ERC1: variants seen among roughly 807,000 people sequenced by gnomAD.
ERC1 encodes the protein ELKS/RAB6-interacting/CAST family member 1, also known as RAB6 interacting protein 2.
ERC1 carries 56 observed loss-of-function variants against 132.0 expected under a neutral mutation model. That is an observed-to-expected ratio of 0.42 (90% CI 0.34 to 0.53). The LOEUF is 0.53. Ranked by LOEUF, ERC1 falls within the 20% of genes least tolerant of loss-of-function variation. The pLI is 0.03. For missense variants in ERC1, 1,202 were observed against 1,349.9 expected (o/e 0.89, Z 1.72); for synonymous variants, 478 against 476.1 (o/e 1.00, Z -0.05).
At chr12:1,408,281 C>G (rs1225673247) in intron 17 of ERC1, 34 bp downstream of exon 17, 1 of 1,486,992 alleles carries the variant, frequency 6.7e-7, no homozygotes, top group Admixed American at 1.8e-5. Context: ...ATTAAAAAAC[C>G]CACACACTTA....
chr12:1,133,111 G>A lies in ERC1; in HGVS notation c.1570-8509G>A, dbSNP rs563038828. 9.9e-5 allele frequency among the ~76,000 whole-genome samples: 15 copies of A among 151,808 alleles called. 1 individual carries two copies. In the South Asian group the frequency reaches 3.1e-3, roughly 32 times the overall value. ...CACCTCAAGTGATCCACCCACCTCG[G>A]CCTCCCAAAGTGCTGGGATTACAGG... On this transcript the variant is annotated intron_variant, in intron 7 of 18. Coordinates refer to ENST00000360905, the MANE Select transcript of ERC1 (RefSeq NM_178040.4).
Position 1,309,961 on chromosome 12 carries a change from G to GTTTTTT in ERC1, c.2780+19953_2780+19954insTTTTTT, listed in dbSNP as rs376120283. 9.5e-4 allele frequency among the ~76,000 whole-genome samples: 137 copies of GTTTTTT among 143,980 alleles called. 1 individual carries two copies. Among genetic ancestry groups the GTTTTTT allele is most frequent in the African/African-American group, 3.4e-3 (131 of 38,466 alleles). The allele number at this position is 143,980 out of a possible 152,430, so 94.5% of individuals were successfully genotyped here. A position where few individuals can be genotyped will look rare whatever the true frequency, so the allele number is the denominator to read the frequency against. On this transcript the variant is annotated intron_variant, in intron 15 of 18. Transcript: ENST00000360905. ...GTTTTGTTTTGTTTTGTTTTGTTTT[G>GTTTTTT]TTTTGAGACAGAGTCTCGTGCTGTC... is the stretch of plus-strand genomic sequence containing the variant.
chr12:1,314,831 A>C (rs998634478), intron 15 of ERC1, among the ~76,000 whole-genome samples: 3 of 152,134 alleles, frequency 2.0e-5, no homozygotes, highest in African/African-American at 4.8e-5. Context: ...TTTTGTTTCA[A>C]TCTGTCTGTC....
chr12:1,026,647 G>A (rs1409171931), intron 1 of ERC1, among the ~76,000 whole-genome samples: 1 of 152,084 alleles, frequency 6.6e-6, no homozygotes, highest in Non-Finnish European at 1.5e-5. Context: ...ACACTATGTG[G>A]GATACATATA....
At chr12:1,313,727 T>C (rs1282197853) in intron 15 of ERC1, among the ~76,000 whole-genome samples, 3 of 152,152 alleles carry the variant, frequency 2.0e-5, no homozygotes, top group African/African-American at 7.2e-5. Context: ...GGCTCATGCC[T>C]GTAATCCCAA....
intron 8 of ERC1, among the ~76,000 whole-genome samples, chr12:1,175,546 T>A (rs1953605764): frequency 6.6e-6 from 1 of 151,730 alleles, no homozygotes. Flanking sequence ...TTTTTTTTTT[T>A]TTTTGAGACG....
intron 18 of ERC1, among the ~76,000 whole-genome samples, chr12:1,470,670 T>C (rs2154427386): frequency 6.6e-6 from 1 of 152,300 alleles, no homozygotes; most frequent in Non-Finnish European, 1.5e-5. Context: ...AATAGATTTG[T>C]AAGAAATAAT....
intron 1 of ERC1, among the ~76,000 whole-genome samples, chr12:1,011,344 C>T (rs1205708629): frequency 1.3e-5 from 2 of 152,132 alleles, no homozygotes; most frequent in Non-Finnish European, 2.9e-5. Context: ...GCTGGGACTA[C>T]AGGCATGCAC....
chr12:991,284 T>C lies in ERC1; in HGVS notation c.-195T>C, dbSNP rs10849610. 0.96 allele frequency: 159,723 copies of C among 165,658 alleles called. 77,248 individuals carry two copies. The highest frequency in any genetic ancestry group is 1 in the East Asian group (5,734 of 5,736). The allele number at this position is 165,658 out of a possible 1,614,324, so 10.3% of individuals were successfully genotyped here. A position where few individuals can be genotyped will look rare whatever the true frequency, so the allele number is the denominator to read the frequency against. On this transcript the variant is annotated 5_prime_UTR_variant, in exon 1 of 19. Coordinates refer to ENST00000360905, the MANE Select transcript of ERC1 (RefSeq NM_178040.4). Reference sequence around the variant, plus strand: ...CGGTAGTGGCGGCGGCGGCGGTGCCTGGGCGGCAGCAGCAGCAGTAGCGGC... The same window carrying C: ...CGGTAGTGGCGGCGGCGGCGGTGCCCGGGCGGCAGCAGCAGCAGTAGCGGC...
chr12:1,231,762 C>T (rs781777619), intron 12 of ERC1, among the ~76,000 whole-genome samples: 4 of 151,212 alleles, frequency 2.6e-5, no homozygotes, highest in Non-Finnish European at 4.4e-5. Context: ...TTTTTTGAGA[C>T]GGAGTCTCGC....
At chr12:1,440,505 C>G (rs1421122286) in intron 17 of ERC1, among the ~76,000 whole-genome samples, 1 of 126,196 alleles carries the variant, frequency 7.9e-6, no homozygotes, top group African/African-American at 3.1e-5. Flanking sequence ...CGCGCCCGGC[C>G]TTTTTTTTTT....
chr12:1,423,569 T>C lies in ERC1; in HGVS notation c.3024+15322T>C, dbSNP rs992363936. On this transcript the variant is annotated intron_variant, in intron 17 of 18. Transcript: ENST00000360905. ...TCTTTAATTGTCACATACAGTGTTC[T>C]GTAAGTATCAACTGGGTCAGGTGGT... is the stretch of plus-strand genomic sequence containing the variant. 4.3e-4 allele frequency among the ~76,000 whole-genome samples: 66 copies of C among 152,224 alleles called. 1 individual carries two copies. Among genetic ancestry groups the C allele is most frequent in the African/African-American group, 1.3e-3 (54 of 41,456 alleles).
Position 1,173,357 on chromosome 12 carries a change from C to CCCA in ERC1, c.1738-7175_1738-7173dup, listed in dbSNP as rs577370703. ...GTTGGCTGCTTCTGTAATCTACCTC[C>CCCA]CCACCACCACTGTTAGAATCGTCGT... On this transcript the variant is annotated intron_variant, in intron 8 of 18. Transcript: ENST00000360905. Among the ~76,000 whole-genome samples the CCCA allele has an allele frequency of 5.4e-3, 828 of 152,248 alleles. 3 individuals carry two copies. Among genetic ancestry groups the CCCA allele is most frequent in the Non-Finnish European group, 8.7e-3 (590 of 68,012 alleles).
chr12:1,011,895 G>A (rs1042342020), intron 1 of ERC1, among the ~76,000 whole-genome samples: 5 of 151,936 alleles, frequency 3.3e-5, no homozygotes, highest in African/African-American at 9.7e-5. Context: ...TGCAATGAGC[G>A]GAGATCACCC....
intron 15 of ERC1, among the ~76,000 whole-genome samples, chr12:1,317,516 G>A (rs573360730): frequency 3.3e-5 from 5 of 152,212 alleles, no homozygotes; most frequent in South Asian, 2.1e-4. Flanking sequence ...AAACCTGCAC[G>A]TTCTGCACGT....
At chr12:1,409,572 T>C (rs888602243) in intron 17 of ERC1, among the ~76,000 whole-genome samples, 5 of 152,202 alleles carry the variant, frequency 3.3e-5, no homozygotes, top group Non-Finnish European at 7.3e-5. Context: ...ACTACAGTTG[T>C]TCCTGAGTAT....
intron 14 of ERC1, among the ~76,000 whole-genome samples, chr12:1,271,978 T>C (rs1186804795): frequency 6.6e-6 from 1 of 152,212 alleles, no homozygotes; most frequent in Non-Finnish European, 1.5e-5. Context: ...CAGAAATTTT[T>C]ACACTGTGGC....
chr12:1,477,477 C>T (rs1465018883), intron 18 of ERC1, among the ~76,000 whole-genome samples: 2 of 152,156 alleles, frequency 1.3e-5, no homozygotes, highest in African/African-American at 4.8e-5. Flanking sequence ...AACACCAGGA[C>T]AGGGAAGAAA....
chr12:1,112,039 A>G (rs1455627447), intron 5 of ERC1, among the ~76,000 whole-genome samples, 176 bp from the exon 6 acceptor site: 2 of 48,998 alleles, frequency 4.1e-5, no homozygotes, highest in Non-Finnish European at 8.2e-5. Flanking sequence ...CTGTGGGGGG[A>G]AAAAACCTGT....
Sources: allele counts gnomAD v4.1 joint callset (sites outside exome capture counted in the v4.1 genomes callset), GRCh38; gene constraint gnomAD v4.1.1; transcripts MANE v1.5; gene names NCBI Gene and HGNC (gene_info 2026-07-23, HGNC 2026-07-21).